Variants in MYRIP observed in about 807,000 individuals in gnomAD.
MYRIP encodes the protein myosin VIIA and Rab interacting protein, also known as rab effector MyRIP.
In MYRIP, 49 loss-of-function variants were observed where a neutral mutation model predicts 98.0. The ratio of observed to expected loss-of-function variants is 0.50; its 90% confidence interval spans 0.40 to 0.63. MYRIP has a LOEUF of 0.63. Ranked by LOEUF, MYRIP falls within the 30% of genes least tolerant of loss-of-function variation. The probability of loss-of-function intolerance (pLI) is 0.00; values close to 1 mark genes in which losing one functional copy is unlikely to be tolerated. For missense variants in MYRIP, 1,004 were observed against 1,058.2 expected (o/e 0.95, Z 0.71); for synonymous variants, 404 against 409.5 (o/e 0.99, Z 0.16).
chr3:40,235,671 G>A (rs78785205), intron 12 of MYRIP, among the ~76,000 whole-genome samples: 6 of 152,276 alleles, frequency 3.9e-5, no homozygotes, highest in African/African-American at 9.6e-5. Flanking sequence ...ATTTCATCCC[G>A]TTTTTACTTG....
intron 2 of MYRIP, among the ~76,000 whole-genome samples, chr3:40,028,647 A>G (rs1013904426): frequency 3.9e-5 from 6 of 152,142 alleles, no homozygotes; most frequent in Non-Finnish European, 8.8e-5. Context: ...CCAGCTATGA[A>G]CACTAACTTC....
At chr3:40,028,215 A>T (rs1947180100) in intron 2 of MYRIP, among the ~76,000 whole-genome samples, 1 of 152,140 alleles carries the variant, frequency 6.6e-6, no homozygotes, top group Non-Finnish European at 1.5e-5. Context: ...GAGACCATGA[A>T]ATGTTAATAG....
chr3:39,820,926 T>G (rs998444455), intron 1 of MYRIP, among the ~76,000 whole-genome samples: 1 of 152,058 alleles, frequency 6.6e-6, no homozygotes, highest in Non-Finnish European at 1.5e-5. Flanking sequence ...CCACTCCCCC[T>G]GCCACCATCC....
At chr3:40,249,105 C>T (rs1229332400) in intron 13 of MYRIP, among the ~76,000 whole-genome samples, 1 of 152,196 alleles carries the variant, frequency 6.6e-6, no homozygotes, top group Non-Finnish European at 1.5e-5. Flanking sequence ...TAAATGACAG[C>T]AGAATTCAAA....
intron 3 of MYRIP, among the ~76,000 whole-genome samples, chr3:40,088,639 C>T (rs1948678070): frequency 6.6e-6 from 1 of 152,144 alleles, no homozygotes; most frequent in East Asian, 1.9e-4. Context: ...GCTGGGAGGT[C>T]ACCCAGCAGG....
intron 1 of MYRIP, among the ~76,000 whole-genome samples, chr3:39,864,976 T>A (rs1217475547): frequency 6.6e-6 from 1 of 151,934 alleles, no homozygotes; most frequent in Non-Finnish European, 1.5e-5. Flanking sequence ...TGGAATAGAA[T>A]AAAGGGCCCA....
At chr3:40,216,951 TA>T (rs1314914637) in intron 11 of MYRIP, among the ~76,000 whole-genome samples, 4 of 152,110 alleles carry the variant, frequency 2.6e-5, no homozygotes, top group Non-Finnish European at 2.9e-5. Context: ...TACATACGTG[TA>T]AAAAATAACA....
chr3:40,152,936 G>A (rs187302755), intron 4 of MYRIP, among the ~76,000 whole-genome samples: 1 of 129,484 alleles, frequency 7.7e-6, no homozygotes, highest in African/African-American at 2.9e-5. Flanking sequence ...GGGCAGCATA[G>A]CACAATCCTG....
At chr3:40,166,713 G>A (rs1187423192) in intron 5 of MYRIP, 133 bp from the exon 6 acceptor site, 4 of 630,938 alleles carry the variant, frequency 6.3e-6, no homozygotes, top group East Asian at 2.7e-5. Context: ...GGAAGGGCGA[G>A]GGCTTTGTGT....
chr3:40,222,931 T>C (rs1319088), intron 11 of MYRIP, among the ~76,000 whole-genome samples: 2 of 152,366 alleles, frequency 1.3e-5, no homozygotes, highest in African/African-American at 4.8e-5. Flanking sequence ...AGATTTACGG[T>C]GGAACTTCCC....
At chr3:39,940,909 CAT>C (rs1373082486) in intron 2 of MYRIP, among the ~76,000 whole-genome samples, 1 of 152,110 alleles carries the variant, frequency 6.6e-6, no homozygotes, top group African/African-American at 2.4e-5. Context: ...CACTGTAAAA[CAT>C]TGGTAAGTTG....
chr3:39,861,213 C>T (rs898626129), intron 1 of MYRIP, among the ~76,000 whole-genome samples: 4 of 152,218 alleles, frequency 2.6e-5, no homozygotes, highest in African/African-American at 9.7e-5. Flanking sequence ...GAGCATGCAG[C>T]TCACGAGTCC....
chr3:40,066,687 A>G (rs1177824530), intron 3 of MYRIP, among the ~76,000 whole-genome samples: 4 of 152,166 alleles, frequency 2.6e-5, no homozygotes, highest in African/African-American at 9.7e-5. Flanking sequence ...CTTACTACAG[A>G]GAAGGTTCTG....
chr3:40,024,939 C>T (rs1026255441), intron 2 of MYRIP, among the ~76,000 whole-genome samples: 2 of 152,172 alleles, frequency 1.3e-5, no homozygotes, highest in African/African-American at 2.4e-5. Flanking sequence ...TTTTTGGTGC[C>T]TGCTGCACAA....
chr3:40,113,776 A>C (rs1454169543), intron 3 of MYRIP, among the ~76,000 whole-genome samples: 1 of 151,700 alleles, frequency 6.6e-6, no homozygotes. Context: ...TGCAAGCTCC[A>C]CCTCCCGGGT....
chr3:39,929,846 G>C (rs139547151), intron 2 of MYRIP, among the ~76,000 whole-genome samples: 1 of 151,928 alleles, frequency 6.6e-6, no homozygotes, highest in Non-Finnish European at 1.5e-5. Flanking sequence ...TGCCTTTTGT[G>C]TAGGGCTTTT....
intron 3 of MYRIP, among the ~76,000 whole-genome samples, chr3:40,128,858 T>C (rs1286929430): frequency 1.3e-5 from 2 of 152,172 alleles, no homozygotes; most frequent in African/African-American, 4.8e-5. Context: ...CAAAGGAATG[T>C]TAGTTTAGCT....
chr3:40,131,545 G>C lies in MYRIP; in HGVS notation c.333-19503G>C, dbSNP rs566069030. Reference sequence around the variant, plus strand: ...CATCGTATTCTCTCTGTGGCTACAGGCCTTCATAATACACTTTAGGGGATA... The same window carrying C: ...CATCGTATTCTCTCTGTGGCTACAGCCCTTCATAATACACTTTAGGGGATA... On this transcript the variant is annotated intron_variant, in intron 3 of 16. Transcript: ENST00000302541. 7.2e-5 allele frequency among the ~76,000 whole-genome samples: 11 copies of C among 152,254 alleles called. No individual in the cohort carries two copies. In the East Asian group the frequency reaches 1.9e-3, roughly 27 times the overall value.
At position 40,233,970 on chromosome 3, in the gene MYRIP, C is replaced by G; in HGVS notation, c.2017C>G (p.Pro673Ala). 1 of 1,613,412 alleles carries G rather than the reference C, an allele frequency of 6.2e-7. No individual in the cohort carries two copies. Among genetic ancestry groups the G allele is most frequent in the Non-Finnish European group, 8.5e-7 (1 of 1,179,794 alleles). The change falls in exon 12 of 17, where the codon CCT becomes GCT. Residue 673 changes from proline to alanine, a missense_variant. Physicochemically the swap from Pro to Ala is conservative, Grantham distance 27. Coordinates refer to ENST00000302541, the MANE Select transcript of MYRIP (RefSeq NM_015460.4). ...STGPWESPQVPPDRQKGMFPR... is the reference protein window; with the variant it reads ...STGPWESPQVAPDRQKGMFPR... The stretch of plus-strand genomic sequence containing the variant: ...AGGGCCCTGGGAGTCCCCACAAGTC[C>G]CTCCTGACAGACAGAAGGGGATGTT...
Sources: gnomAD v4.1 joint callset for allele counts (sites outside exome capture counted in the v4.1 genomes callset) on GRCh38, gnomAD v4.1.1 for gene constraint, MANE v1.5 for transcripts, NCBI Gene and HGNC (gene_info 2026-07-23, HGNC 2026-07-21) for gene names.